The following CLIP2 variants were observed in gnomAD, a reference collection of about 807,000 sequenced individuals.
CLIP2 encodes CAP-Gly domain containing linker protein 2.
Under a neutral mutation model 111.7 loss-of-function variants are expected in CLIP2, and 41 were observed. That is an observed-to-expected ratio of 0.37 (90% CI 0.29 to 0.48). CLIP2 has a LOEUF of 0.48. Among genes scored for constraint, CLIP2 ranks in the 20% least tolerant of loss-of-function variants. The probability of loss-of-function intolerance (pLI) is 0.99; values close to 1 mark genes in which losing one functional copy is unlikely to be tolerated. For synonymous variants in CLIP2, 660 were observed against 644.2 expected (o/e 1.02, Z -0.37); for missense variants, 1,160 against 1,422.1 (o/e 0.82, Z 2.96).
At chr7:74,364,174 CCT>C in intron 7 of CLIP2, 79 bp from the exon 8 acceptor site, 1 of 1,297,488 alleles carries the variant, frequency 7.7e-7, no homozygotes, top group Non-Finnish European at 1.1e-6. Flanking sequence ...CATGGCCTTG[CCT>C]CTCTCTGCTG....
At chr7:74,309,111 C>T (rs1471990809) in intron 1 of CLIP2, among the ~76,000 whole-genome samples, 1 of 151,950 alleles carries the variant, frequency 6.6e-6, no homozygotes, top group Non-Finnish European at 1.5e-5. Flanking sequence ...TCCAGCAATT[C>T]ACCCACCTCG....
intron 1 of CLIP2, among the ~76,000 whole-genome samples, chr7:74,297,700 T>C (rs572004621): frequency 2.6e-5 from 4 of 152,086 alleles, no homozygotes; most frequent in Non-Finnish European, 5.9e-5. Context: ...CTTCTCTCTG[T>C]CCTTCCCAGA....
chr7:74,360,480 G>T (rs1337341955), intron 7 of CLIP2, among the ~76,000 whole-genome samples: 1 of 152,180 alleles, frequency 6.6e-6, no homozygotes, highest in Non-Finnish European at 1.5e-5. Context: ...TCTTCTGCAG[G>T]CAGTTGGGAG....
intron 8 of CLIP2, among the ~76,000 whole-genome samples, chr7:74,372,725 G>A (rs1790664492): frequency 6.6e-6 from 1 of 150,850 alleles, no homozygotes; most frequent in South Asian, 2.1e-4. Flanking sequence ...TGGGCATGAG[G>A]CCCCACACCC....
chr7:74,338,508 C>G lies in CLIP2; in HGVS notation c.182C>G (p.Pro61Arg), dbSNP rs781989461. The change falls in exon 3 of 17, where the codon CCC becomes CGC. Residue 61 changes from proline to arginine, a missense_variant. Pro to Arg is a moderately radical substitution (Grantham distance 103). Transcript: ENST00000223398. The surrounding 1 kb of genome is among the most constrained non-coding windows in gnomAD (Gnocchi z 4.3). ...TCCTCCCCGGCCGCAGCTGCTGCCC[C>G]CGAGAAGCCGGGCCCCAAGGCGGCG... is the stretch of plus-strand genomic sequence containing the variant. ...PSSSPAAAAA[P>R]EKPGPKAAEV... 94 of 1,610,866 alleles carry G rather than the reference C, an allele frequency of 5.8e-5. No homozygotes were observed. The highest frequency in any genetic ancestry group is 8.0e-5 in the Non-Finnish European group (94 of 1,179,180).
chr7:74,345,322 C>T (rs920525200), intron 3 of CLIP2, among the ~76,000 whole-genome samples: 7 of 151,914 alleles, frequency 4.6e-5, no homozygotes, highest in Non-Finnish European at 1.0e-4. Context: ...GAAAACTCTA[C>T]CTCCCAGGTT....
intron 3 of CLIP2, among the ~76,000 whole-genome samples, chr7:74,344,673 G>A (rs1425710250): frequency 6.6e-6 from 1 of 152,070 alleles, no homozygotes; most frequent in East Asian, 1.9e-4. Flanking sequence ...AAAGTGCTGG[G>A]ATTACAGGCA....
At chr7:74,332,695 A>G (rs1032994128) in intron 2 of CLIP2, among the ~76,000 whole-genome samples, 3 of 152,058 alleles carry the variant, frequency 2.0e-5, no homozygotes, top group African/African-American at 7.2e-5. Context: ...GTCGTGGGAA[A>G]TACCCACACC....
intron 3 of CLIP2, among the ~76,000 whole-genome samples, chr7:74,350,144 C>A (rs502161): frequency 6.6e-6 from 1 of 151,828 alleles, no homozygotes; most frequent in Non-Finnish European, 1.5e-5. Flanking sequence ...ACCTCCGCCT[C>A]CTGGGTTCAA....
chr7:74,400,394 C>T lies in CLIP2; in HGVS notation c.2905C>T (p.Gln969Ter), dbSNP rs1554317352. ...GLDKEKSLSD[Q>*]RRYSLIDRSS... ...GGACAAAGAGAAATCCCTGTCGGATCAGAGGCGCTACTCCCTCATCGACCG... is the reference window on the plus strand; with the variant it reads ...GGACAAAGAGAAATCCCTGTCGGATTAGAGGCGCTACTCCCTCATCGACCG... The change falls in exon 15 of 17, where the codon CAG (glutamine) becomes TAG (stop). Residue 969 changes from glutamine (Q) to a stop codon, truncating the protein, a stop_gained. Coordinates refer to ENST00000223398, the MANE Select transcript of CLIP2 (RefSeq NM_003388.5). LOFTEE classifies it high-confidence loss of function. The T allele has an allele frequency of 6.2e-7, 1 of 1,611,594 alleles. No individual in the cohort carries two copies. Among genetic ancestry groups the T allele is most frequent in the African/African-American group, 1.3e-5 (1 of 74,894 alleles).
At chr7:74,296,469 C>T (rs797044060) in intron 1 of CLIP2, among the ~76,000 whole-genome samples, 10 of 150,966 alleles carry the variant, frequency 6.6e-5, no homozygotes, top group African/African-American at 2.4e-4. Flanking sequence ...GGGATTGCCA[C>T]ACCACACTCC....
Position 74,405,374 on chromosome 7 carries a change from C to G in CLIP2, c.*1526C>G, listed in dbSNP as rs1008969628. 1.3e-5 allele frequency: 2 copies of G among 152,358 alleles called. No homozygotes were observed. The highest frequency in any genetic ancestry group is 1.9e-4 in the East Asian group (1 of 5,168). The allele number at this position is 152,358 out of a possible 1,614,324, so 9.4% of individuals were successfully genotyped here. A position where few individuals can be genotyped will look rare whatever the true frequency, so the allele number is the denominator to read the frequency against. ...GCCCGATGCCCCATCCCGGCTTTCC[C>G]GTAACGCACAGGACACGTGTGCAAT... is the stretch of plus-strand genomic sequence containing the variant. On this transcript the variant is annotated 3_prime_UTR_variant, in exon 17 of 17. Transcript: ENST00000223398.
intron 1 of CLIP2, among the ~76,000 whole-genome samples, chr7:74,307,551 C>T (rs2116477209): frequency 6.6e-6 from 1 of 152,226 alleles, no homozygotes; most frequent in South Asian, 2.1e-4. Flanking sequence ...AGTGCAATGG[C>T]ACCATCTCGG....
At chr7:74,351,426 C>CA (rs55952428) in intron 3 of CLIP2, among the ~76,000 whole-genome samples, 19,142 of 65,280 alleles carry the variant, frequency 0.29, 3,665 homozygotes, top group African/African-American at 0.55. Flanking sequence ...ATTCCAGTGT[C>CA]AAAAAAAAAA....
At chr7:74,348,644 G>C (rs1554306869) in intron 3 of CLIP2, among the ~76,000 whole-genome samples, 1 of 151,922 alleles carries the variant, frequency 6.6e-6, no homozygotes, top group Non-Finnish European at 1.5e-5. Context: ...AAAAAAATTA[G>C]CCAGGCATGG....
intron 1 of CLIP2, among the ~76,000 whole-genome samples, chr7:74,298,135 A>G (rs1033178443): frequency 4.6e-5 from 7 of 151,904 alleles, no homozygotes; most frequent in Non-Finnish European, 7.4e-5. Flanking sequence ...ACTTGAGCCT[A>G]GGAGTTCGAG....
chr7:74,374,371 C>T (rs868927475), intron 9 of CLIP2, among the ~76,000 whole-genome samples: 1 of 152,140 alleles, frequency 6.6e-6, no homozygotes, highest in South Asian at 2.1e-4. Context: ...GCGGACCGGC[C>T]GGAGCCCTCC....
intron 9 of CLIP2, among the ~76,000 whole-genome samples, chr7:74,373,379 T>G (rs1790691096): frequency 6.6e-6 from 1 of 152,208 alleles, no homozygotes; most frequent in South Asian, 2.1e-4. Flanking sequence ...ATGCCTGTGA[T>G]CCCAGCTACT....
chr7:74,356,939 G>T (rs1584356021), intron 5 of CLIP2, among the ~76,000 whole-genome samples: 3 of 152,108 alleles, frequency 2.0e-5, no homozygotes, highest in Non-Finnish European at 4.4e-5. Flanking sequence ...CTGCTTGGTG[G>T]CTATGGGCAG....
Sources: allele counts gnomAD v4.1 joint callset (sites outside exome capture counted in the v4.1 genomes callset), GRCh38; gene constraint gnomAD v4.1.1; non-coding constraint Gnocchi (gnomAD v3.1); transcripts MANE v1.5; gene names NCBI Gene and HGNC (gene_info 2026-07-23, HGNC 2026-07-21).